NRXN3: variants seen among roughly 807,000 people sequenced by gnomAD.
The protein encoded by NRXN3 is neurexin III.
A neutral mutation model predicts 137.6 loss-of-function variants in NRXN3; 32 were observed. The observed-to-expected ratio is 0.23, with a 90% CI of 0.18 to 0.31. NRXN3 has a LOEUF of 0.31. Among genes scored for constraint, NRXN3 ranks in the 10% least tolerant of loss-of-function variants. NRXN3 has a pLI of 1.00. For missense variants in NRXN3, 1,574 were observed against 2,062.5 expected (o/e 0.76, Z 4.59); for synonymous variants, 798 against 784.5 (o/e 1.02, Z -0.29).
At chr14:79,822,095 GGAACTAAGA>G (rs2099274506) in intron 20 of NRXN3, among the ~76,000 whole-genome samples, 1 of 152,080 alleles carries the variant, frequency 6.6e-6, no homozygotes, top group Non-Finnish European at 1.5e-5. Context: ...AGTCACAAAG[GGAACTAAGA>G]GATTATAGAC....
intron 16 of NRXN3, among the ~76,000 whole-genome samples, chr14:79,573,796 A>G (rs1032918879): frequency 6.6e-6 from 1 of 152,118 alleles, no homozygotes; most frequent in African/African-American, 2.4e-5. Flanking sequence ...GTAATCTTTT[A>G]TCAATTCCCT....
intron 15 of NRXN3, among the ~76,000 whole-genome samples, chr14:79,430,550 A>G (rs1300320034): frequency 6.6e-6 from 1 of 152,182 alleles, no homozygotes; most frequent in Admixed American, 6.6e-5. Flanking sequence ...TAAAGGTCAC[A>G]TCTTCTTGAA....
chr14:78,942,751 G>A (rs1014233912), intron 10 of NRXN3, among the ~76,000 whole-genome samples: 1 of 152,050 alleles, frequency 6.6e-6, no homozygotes, highest in Non-Finnish European at 1.5e-5. Context: ...ACAGCTAGAA[G>A]GAGCATACTA....
At chr14:78,256,401 T>C (rs2069608397) in intron 2 of NRXN3, among the ~76,000 whole-genome samples, 1 of 152,350 alleles carries the variant, frequency 6.6e-6, no homozygotes. Context: ...AACGCACAAC[T>C]TTGGCAAGCT....
At chr14:78,491,223 A>G (rs1461038062) in intron 4 of NRXN3, among the ~76,000 whole-genome samples, 3 of 152,146 alleles carry the variant, frequency 2.0e-5, no homozygotes, top group South Asian at 2.1e-4. Flanking sequence ...ATCAGCTGTG[A>G]CCTAATTATG....
chr14:79,854,691 C>T (rs888760385), intron 20 of NRXN3, among the ~76,000 whole-genome samples: 1 of 152,068 alleles, frequency 6.6e-6, no homozygotes, highest in Non-Finnish European at 1.5e-5. Flanking sequence ...GGCCTGTACC[C>T]TAGAAGAAAA....
intron 16 of NRXN3, among the ~76,000 whole-genome samples, chr14:79,633,687 G>C (rs949307819): frequency 1.3e-5 from 2 of 152,184 alleles, no homozygotes; most frequent in African/African-American, 4.8e-5. Context: ...TTTTAAACGA[G>C]ACACATAATA....
chr14:79,581,959 ACT>A (rs2097720815), intron 16 of NRXN3, among the ~76,000 whole-genome samples: 1 of 151,994 alleles, frequency 6.6e-6, no homozygotes, highest in Non-Finnish European at 1.5e-5. Context: ...ACAGGGTTTT[ACT>A]CTGTTACTCA....
chr14:79,396,194 T>C (rs2095020971), intron 15 of NRXN3, among the ~76,000 whole-genome samples: 1 of 152,066 alleles, frequency 6.6e-6, no homozygotes, highest in Admixed American at 6.6e-5. Context: ...TAAAGAGGCC[T>C]GTAATGTGAA....
chr14:78,985,163 ACAC>A, intron 14 of NRXN3, among the ~76,000 whole-genome samples: 1 of 152,214 alleles, frequency 6.6e-6, no homozygotes, highest in Non-Finnish European at 1.5e-5. Flanking sequence ...ACATGCTCCT[ACAC>A]TCAGGTTTTG....
chr14:79,022,651 A>C, intron 15 of NRXN3, among the ~76,000 whole-genome samples: 1 of 152,154 alleles, frequency 6.6e-6, no homozygotes, highest in Non-Finnish European at 1.5e-5. Flanking sequence ...CCCCTGCTGC[A>C]ATCAGTCCAT....
At chr14:78,703,934 G>A (rs1171112739) in intron 6 of NRXN3, 1 of 152,252 alleles carries the variant, frequency 6.6e-6, no homozygotes. Context: ...GTGCCAAGAA[G>A]CCATCTGGGC....
chr14:79,479,581 T>C (rs146835479), intron 16 of NRXN3, among the ~76,000 whole-genome samples: 160 of 152,174 alleles, frequency 1.1e-3, no homozygotes, highest in Non-Finnish European at 2.1e-3. Flanking sequence ...CCTGTAATAT[T>C]TATTTAAATC....
At chr14:78,554,612 C>A (rs1219837898) in intron 4 of NRXN3, among the ~76,000 whole-genome samples, 1 of 152,194 alleles carries the variant, frequency 6.6e-6, no homozygotes, top group African/African-American at 2.4e-5. Flanking sequence ...TTTGTCAAAT[C>A]TTCTGCATAG....
At position 78,419,798 on chromosome 14, in the gene NRXN3, A is replaced by G. The variant is rs559046196; in HGVS notation, c.757+121938A>G. ...GTTTTATTCCACTGAGTTTGAAGCC[A>G]GAACACCATGTCTTGGCACTGACAT... On this transcript the variant is annotated intron_variant, in intron 4 of 20. Transcript: ENST00000335750. Among the ~76,000 whole-genome samples, 4 of 152,328 alleles carry G rather than the reference A, an allele frequency of 2.6e-5. No individual in the cohort carries two copies. In the East Asian group the frequency reaches 7.7e-4, roughly 29 times the overall value.
chr14:78,886,631 A>T (rs1289874309), intron 10 of NRXN3, among the ~76,000 whole-genome samples: 1 of 152,152 alleles, frequency 6.6e-6, no homozygotes, highest in Non-Finnish European at 1.5e-5. Flanking sequence ...AAAAAACATT[A>T]ATATAAAGTA....
intron 8 of NRXN3, among the ~76,000 whole-genome samples, chr14:78,749,870 G>A (rs1033393569): frequency 3.3e-5 from 5 of 152,210 alleles, no homozygotes; most frequent in African/African-American, 1.2e-4. Flanking sequence ...TAAGTGGTGT[G>A]AATGTGCTGT....
rs1299604458 is a variant in NRXN3, at chr14:79,151,799, A to G, written c.3262+163658A>G. ...AATTGTCCCAGAGTGCACAGACTAA[A>G]TCTAAATCCCTACAATATGTTTTCA... is the stretch of plus-strand genomic sequence containing the variant. On this transcript the variant is annotated intron_variant, in intron 15 of 20. Coordinates refer to ENST00000335750, the MANE Select transcript of NRXN3 (RefSeq NM_001330195.2). 2.0e-5 allele frequency among the ~76,000 whole-genome samples: 3 copies of G among 152,116 alleles called. No individual in the cohort carries two copies. The South Asian group carries it at 6.2e-4, about 32-fold the overall frequency.
chr14:79,103,227 G>A (rs1413035919), intron 15 of NRXN3, among the ~76,000 whole-genome samples: 1 of 152,120 alleles, frequency 6.6e-6, no homozygotes, highest in Non-Finnish European at 1.5e-5. Context: ...TATATGCAGA[G>A]GGCTGTGGCA....
Sources: gnomAD v4.1 joint callset for allele counts (sites outside exome capture counted in the v4.1 genomes callset) on GRCh38, gnomAD v4.1.1 for gene constraint, MANE v1.5 for transcripts, NCBI Gene and HGNC (gene_info 2026-07-23, HGNC 2026-07-21) for gene names.